ASPG: variants seen among roughly 807,000 people sequenced by gnomAD.
ASPG encodes 60 kDa lysophospholipase.
ASPG carries 53 observed loss-of-function variants against 63.2 expected under a neutral mutation model. That is an observed-to-expected ratio of 0.84 (90% confidence interval 0.67 to 1.05). The LOEUF (loss-of-function observed/expected upper bound fraction) is 1.05. Among genes scored for constraint, ASPG ranks in the 50% least tolerant of loss-of-function variants. The pLI is 0.00. For missense variants in ASPG, 741 were observed against 794.4 expected, an observed-to-expected ratio of 0.93 and a Z score of 0.81; for synonymous variants, 370 against 355.0, an observed-to-expected ratio of 1.04 and a Z score of -0.48.
chr14:104,106,780 T>C lies in ASPG; in HGVS notation c.1174-19T>C, dbSNP rs1266673327. 1 of 1,567,672 alleles carries C rather than the reference T, an allele frequency of 6.4e-7. No individual in the cohort carries two copies. Among genetic ancestry groups the C allele is most frequent in the South Asian group, 1.2e-5 (1 of 85,208 alleles). ...CCAAAGGGAGGCGTGGGTCCCAGGGTGCCGCCTTCCCCACCTAGGAGGCAG... is the reference window on the plus strand; with the variant it reads ...CCAAAGGGAGGCGTGGGTCCCAGGGCGCCGCCTTCCCCACCTAGGAGGCAG... On this transcript the variant is annotated intron_variant, in intron 10 of 15. Coordinates refer to ENST00000551177, the MANE Select transcript of ASPG (RefSeq NM_001080464.3).
At chr14:104,108,748 C>T (rs185584782) in intron 12 of ASPG, 8 of 985,282 alleles carry the variant, frequency 8.1e-6, no homozygotes, top group South Asian at 4.7e-5. Context: ...CAAGGGCAGT[C>T]GGCCGGATTG....
At chr14:104,100,371 G>T (rs937033168) in intron 6 of ASPG, among the ~76,000 whole-genome samples, 1 of 152,180 alleles carries the variant, frequency 6.6e-6, no homozygotes, top group Non-Finnish European at 1.5e-5. Flanking sequence ...GACAAGGCCT[G>T]TGTGTGGGAG....
At chr14:104,096,501 C>T (rs570680639) in intron 4 of ASPG, among the ~76,000 whole-genome samples, 1 of 152,260 alleles carries the variant, frequency 6.6e-6, no homozygotes, top group Admixed American at 6.5e-5. Flanking sequence ...ACTGCACACA[C>T]CTGTTAGCGG....
intron 12 of ASPG, among the ~76,000 whole-genome samples, chr14:104,107,910 G>C (rs2037210249): frequency 6.6e-6 from 1 of 152,196 alleles, no homozygotes; most frequent in Non-Finnish European, 1.5e-5. Flanking sequence ...CGACCTGTCT[G>C]CTGGTGCCGC....
At chr14:104,107,070 G>T in intron 11 of ASPG, 112 bp from the exon 12 acceptor site, 2 of 1,391,330 alleles carry the variant, frequency 1.4e-6, no homozygotes, top group East Asian at 2.4e-5. Flanking sequence ...CTTTGAGGGT[G>T]GGCGCAGGGG....
intron 10 of ASPG, 127 bp downstream of exon 10, chr14:104,105,577 C>A: frequency 7.6e-7 from 1 of 1,307,766 alleles, no homozygotes; most frequent in East Asian, 2.6e-5. Context: ...TAGGCACACC[C>A]GGGTTCTGGG....
intron 12 of ASPG, chr14:104,108,585 G>C: frequency 1.0e-6 from 1 of 985,438 alleles, no homozygotes; most frequent in Non-Finnish European, 1.2e-6. Flanking sequence ...GTGGGGGCAC[G>C]GCCAGCGATT....
intron 15 of ASPG, 84 bp from the exon 16 acceptor site, chr14:104,112,440 A>G: frequency 1.2e-6 from 1 of 833,686 alleles, no homozygotes; most frequent in Non-Finnish European, 2.1e-6. Context: ...GCTGTGCCGT[A>G]CAGACGGGGT....
intron 3 of ASPG, among the ~76,000 whole-genome samples, chr14:104,094,014 G>A (rs1304266426): frequency 6.6e-6 from 1 of 151,906 alleles, no homozygotes; most frequent in African/African-American, 2.4e-5. Context: ...GACGGGTGAG[G>A]AGCTGCAGGG....
In ASPG at chr14:104,110,651, C is replaced by A. The variant is rs2037345576; in HGVS notation, c.1521-851C>A. 2.0e-6 allele frequency: 2 copies of A among 985,224 alleles called. No homozygotes were observed. The highest frequency in any genetic ancestry group is 1.1e-4 in the East Asian group (1 of 8,818). The allele number at this position is 985,224 out of a possible 1,614,324, so 61.0% of individuals were successfully genotyped here. On this transcript the variant is annotated intron_variant, in intron 13 of 15. Coordinates refer to ENST00000551177, the MANE Select transcript of ASPG (RefSeq NM_001080464.3). The surrounding 1 kb of genome is among the most constrained non-coding windows in gnomAD (Gnocchi z 4.7). Reference sequence around the variant, plus strand: ...TCCAGCAGATTCGCTGCAGAGATTACCCAGTGCCACTGCAGGGCTGCTGCT... The same window carrying A: ...TCCAGCAGATTCGCTGCAGAGATTAACCAGTGCCACTGCAGGGCTGCTGCT...
Position 104,109,597 on chromosome 14 carries a change from CAT to C in ASPG, c.1520+283_1520+284del, listed in dbSNP as rs34381257. On this transcript the variant is annotated intron_variant, in intron 13 of 15. Transcript: ENST00000551177. This position sits in a 1 kb window ranked among gnomAD's most constrained non-coding sequence, Gnocchi z 4.8. ...ATGTGTGTATGCATGTGTGTGGGTG[CAT>C]GTGTGTGTGTGTGGTGGGCTTGAGG... Among the ~76,000 whole-genome samples the C allele has an allele frequency of 0.13, 18,479 of 147,828 alleles. 1,810 individuals are homozygous for C. Among genetic ancestry groups the C allele is most frequent in the East Asian group, 0.35 (1,707 of 4,938 alleles).
intron 14 of ASPG, 29 bp from the exon 15 acceptor site, chr14:104,111,891 G>A: frequency 1.3e-6 from 2 of 1,546,686 alleles, no homozygotes; most frequent in East Asian, 2.4e-5. Context: ...GTGGCCCCAA[G>A]GCAGCCCCTC....
intron 13 of ASPG, chr14:104,111,177 G>A: frequency 1.0e-6 from 1 of 985,186 alleles, no homozygotes; most frequent in Non-Finnish European, 1.2e-6. Context: ...ATGCTCGTGT[G>A]TGTGTGCATG....
chr14:104,107,269 C>A lies in ASPG; in HGVS notation c.1357C>A (p.Leu453Met). Residue 453 changes from leucine (L) to methionine (M), a missense_variant, in exon 12 of 16, where the codon CTG (leucine) becomes ATG (methionine). Transcript: ENST00000551177. Reference protein sequence around the residue: ...RGGHTEAVTMLLQRGVDVNTR... With the variant: ...RGGHTEAVTMMLQRGVDVNTR... ...AGGCCACACAGAGGCAGTCACCATGCTGCTGCAGAGAGGTGTGGACGTGAA... is the reference window on the plus strand; with the variant it reads ...AGGCCACACAGAGGCAGTCACCATGATGCTGCAGAGAGGTGTGGACGTGAA... 4 of 1,609,554 alleles carry A rather than the reference C, an allele frequency of 2.5e-6. No individual in the cohort carries two copies. Among genetic ancestry groups the A allele is most frequent in the Non-Finnish European group, 3.4e-6 (4 of 1,177,954 alleles).
chr14:104,097,422 G>C, intron 4 of ASPG, 132 bp from the exon 5 acceptor site: 1 of 855,104 alleles, frequency 1.2e-6, no homozygotes, highest in Admixed American at 2.7e-5. Flanking sequence ...GTCCAAGCCC[G>C]CCTGTCCTTC....
intron 1 of ASPG, among the ~76,000 whole-genome samples, chr14:104,090,035 G>A (rs1185574977): frequency 1.3e-5 from 2 of 151,672 alleles, no homozygotes; most frequent in Non-Finnish European, 2.9e-5. Context: ...TTGAACTCCT[G>A]GGCTCAAATG....
chr14:104,090,833 G>A (rs922082768), intron 1 of ASPG, among the ~76,000 whole-genome samples: 5 of 152,192 alleles, frequency 3.3e-5, no homozygotes, highest in African/African-American at 9.7e-5. Flanking sequence ...CACAGGTACC[G>A]GGGATTGGGA....
At chr14:104,092,829 G>C (rs896638055) in intron 2 of ASPG, 88 bp downstream of exon 2, 1 of 1,160,552 alleles carries the variant, frequency 8.6e-7, no homozygotes, top group East Asian at 2.6e-5. Flanking sequence ...CCAGGCCCAC[G>C]TGAGCCATTT....
chr14:104,100,821 G>T (rs935859572), intron 6 of ASPG, among the ~76,000 whole-genome samples: 1 of 152,174 alleles, frequency 6.6e-6, no homozygotes, highest in African/African-American at 2.4e-5. Context: ...GCTGGCACTC[G>T]GCCCCTCCAG....
Sources: allele counts gnomAD v4.1 joint callset (sites outside exome capture counted in the v4.1 genomes callset), GRCh38; gene constraint gnomAD v4.1.1; non-coding constraint Gnocchi (gnomAD v3.1); transcripts MANE v1.5; gene names NCBI Gene and HGNC (gene_info 2026-07-23, HGNC 2026-07-21).